NSL1: variants seen among roughly 807,000 people sequenced by gnomAD.
NSL1 encodes NSL1 component of MIS12 kinetochore complex, also known as kinetochore-associated protein NSL1 homolog.
In NSL1, 11 loss-of-function variants were observed where a neutral mutation model predicts 25.4. The observed-to-expected ratio is 0.43, with a 90% CI of 0.27 to 0.72. The LOEUF is 0.72. Among genes scored for constraint, NSL1 ranks in the 30% least tolerant of loss-of-function variants. The pLI is 0.19. For synonymous variants in NSL1, 118 were observed against 120.6 expected (o/e 0.98, Z 0.14); for missense variants, 330 against 342.7 (o/e 0.96, Z 0.29).
chr1:212,759,770 A>T (rs1659475420), intron 4 of NSL1, among the ~76,000 whole-genome samples: 1 of 152,026 alleles, frequency 6.6e-6, no homozygotes, highest in South Asian at 2.1e-4. Context: ...TGAACCCAAT[A>T]GTAAAACCAG....
At chr1:212,739,011 C>G (rs761555303) in intron 5 of NSL1, among the ~76,000 whole-genome samples, 1 of 152,166 alleles carries the variant, frequency 6.6e-6, no homozygotes, top group Admixed American at 6.5e-5. Context: ...GATCTGACTG[C>G]CTTGGCCTCC....
rs10717383 is a variant in NSL1 at position 212,749,339 on chromosome 1, G to GTTT, written c.500-9741_500-9739dup. Among the ~76,000 whole-genome samples the GTTT allele has an allele frequency of 7.1e-4, 55 of 76,936 alleles. 1 individual carries two copies. The highest frequency in any genetic ancestry group is 1.9e-3 in the African/African-American group (42 of 21,710). 50.5% of individuals were successfully genotyped at this position (76,936 alleles called of 152,430 possible). On this transcript the variant is annotated intron_variant, in intron 4 of 5. Transcript: ENST00000366977. ...CTTAAGGGATTTTGCGTTTTATTGT[G>GTTT]TTTTTTTTTTTTTTTTTTTTTTTGA... is the stretch of plus-strand genomic sequence containing the variant.
intron 4 of NSL1, among the ~76,000 whole-genome samples, chr1:212,755,374 A>C (rs1273727308): frequency 1.3e-5 from 2 of 152,018 alleles, no homozygotes; most frequent in African/African-American, 4.8e-5. Flanking sequence ...GGAGATGTTA[A>C]TGGAAGATGG....
In NSL1 at chr1:212,760,870, C is replaced by T. The variant is rs1659532410; in HGVS notation, c.500-21269G>A. ...AATGGATGTATTTGGCATGCCATCA[C>T]CACCAGTGGGGCCCAAGAACAGGCC... On this transcript the variant is annotated intron_variant, in intron 4 of 5. Transcript: ENST00000366977. This position sits in a 1 kb window ranked among gnomAD's most constrained non-coding sequence, Gnocchi z 4.3. 1.3e-5 allele frequency among the ~76,000 whole-genome samples: 2 copies of T among 152,222 alleles called. No individual in the cohort carries two copies. The highest frequency in any genetic ancestry group is 1.3e-4 in the Admixed American group (2 of 15,290).
chr1:212,758,998 T>C (rs1659437757), intron 4 of NSL1, among the ~76,000 whole-genome samples: 1 of 152,200 alleles, frequency 6.6e-6, no homozygotes, highest in Non-Finnish European at 1.5e-5. Flanking sequence ...GTCAACTGAT[T>C]TCTGACACAG....
chr1:212,736,921 T>C lies in NSL1; in HGVS notation c.*1487A>G, dbSNP rs1021405745. ...ATATAATCAAAATGCAAGTAGCTTA[T>C]ATAATCTAATAGAATTAACAATAAC... On this transcript the variant is annotated 3_prime_UTR_variant, in exon 6 of 6. Coordinates refer to ENST00000366977, the MANE Select transcript of NSL1 (RefSeq NM_015471.4). 4.1e-6 allele frequency: 4 copies of C among 983,940 alleles called. No homozygotes were observed. Among genetic ancestry groups the C allele is most frequent in the African/African-American group, 1.7e-5 (1 of 57,210 alleles). The allele number at this position is 983,940 out of a possible 1,614,324, so 61.0% of individuals were successfully genotyped here.
intron 4 of NSL1, among the ~76,000 whole-genome samples, chr1:212,762,112 A>C (rs1222457625): frequency 6.6e-6 from 1 of 152,056 alleles, no homozygotes; most frequent in Admixed American, 6.5e-5. Flanking sequence ...AGCCTGGACA[A>C]CATGGTGAAA....
intron 1 of NSL1, 106 bp downstream of exon 1, chr1:212,791,424 C>CT: frequency 9.9e-7 from 1 of 1,008,028 alleles, no homozygotes; most frequent in Non-Finnish European, 1.5e-6. Flanking sequence ...TAGCCTGGGG[C>CT]ACCGTTAATT....
intron 1 of NSL1, among the ~76,000 whole-genome samples, chr1:212,790,658 C>T (rs967586566): frequency 6.6e-6 from 1 of 151,982 alleles, no homozygotes; most frequent in Non-Finnish European, 1.5e-5. Context: ...CGAGGTGGCT[C>T]ACGCCTGTAA....
rs1446205808 is a variant in NSL1 at position 212,728,107 on chromosome 1, G to A, written c.*10301C>T. The stretch of plus-strand genomic sequence containing the variant: ...ATCTCCACCTCTTTCTCATGAAATG[G>A]GCGTGGTAATAGCCCTTAATTCATG... On this transcript the variant is annotated 3_prime_UTR_variant, in exon 6 of 6. Coordinates refer to ENST00000366977, the MANE Select transcript of NSL1 (RefSeq NM_015471.4). The A allele has an allele frequency of 1.0e-6, 1 of 978,048 alleles. No individual in the cohort carries two copies. Among genetic ancestry groups the A allele is most frequent in the Non-Finnish European group, 1.2e-6 (1 of 823,384 alleles). The allele number at this position is 978,048 out of a possible 1,614,324, so 60.6% of individuals were successfully genotyped here.
intron 4 of NSL1, among the ~76,000 whole-genome samples, chr1:212,772,831 CATG>C (rs1475997130): frequency 6.6e-6 from 1 of 152,108 alleles, no homozygotes; most frequent in East Asian, 1.9e-4. Flanking sequence ...ACCAAAATAA[CATG>C]ATATTGGTAT....
rs59259608 is a variant in NSL1 at position 212,754,769 on chromosome 1, C to CAAAAAAAAAAAAAAAAAAAAAAAAAAA, written c.500-15169_500-15168insTTTTTTTTTTTTTTTTTTTTTTTTTTT. On this transcript the variant is annotated intron_variant, in intron 4 of 5. Coordinates refer to ENST00000366977, the MANE Select transcript of NSL1 (RefSeq NM_015471.4). ...GGGCAACAAGAGTAAAATTCTGTCT[C>CAAAAAAAAAAAAAAAAAAAAAAAAAAA]AAAAAAAAAAAAAAAACCAACTCAA... is the stretch of plus-strand genomic sequence containing the variant. Among the ~76,000 whole-genome samples, 2 of 71,320 alleles carry CAAAAAAAAAAAAAAAAAAAAAAAAAAA rather than the reference C, an allele frequency of 2.8e-5. 1 individual carries two copies. Among genetic ancestry groups the CAAAAAAAAAAAAAAAAAAAAAAAAAAA allele is most frequent in the Non-Finnish European group, 5.3e-5 (2 of 37,856 alleles). 46.8% of individuals were successfully genotyped at this position (71,320 alleles called of 152,430 possible).
chr1:212,734,038 ATTT>A lies in NSL1; in HGVS notation c.*4367_*4369del, dbSNP rs2102422938. On this transcript the variant is annotated 3_prime_UTR_variant, in exon 6 of 6. Transcript: ENST00000366977. The stretch of plus-strand genomic sequence containing the variant: ...TTTTATCTCCCAGCCCTCCCACTGA[ATTT>A]TTATTTCAACTTTCATATTTTTAAT... 1.3e-5 allele frequency among the ~76,000 whole-genome samples: 2 copies of A among 152,154 alleles called. No homozygotes were observed. The highest frequency in any genetic ancestry group is 4.1e-4 in the South Asian group (2 of 4,828).
intron 4 of NSL1, chr1:212,782,055 T>C (rs1275948442): frequency 1.0e-5 from 6 of 589,862 alleles, no homozygotes; most frequent in Middle Eastern, 2.8e-4. Flanking sequence ...TTGGCTGTAA[T>C]GCAAAGAATA....
intron 4 of NSL1, among the ~76,000 whole-genome samples, chr1:212,774,734 G>A (rs1374503149): frequency 3.3e-5 from 5 of 152,232 alleles, no homozygotes; most frequent in Non-Finnish European, 7.3e-5. Flanking sequence ...AGGGAGGAAT[G>A]TAAATGGTGC....
Position 212,729,776 on chromosome 1 carries a change from A to C in NSL1, c.*8632T>G, listed in dbSNP as rs1657935717. ...TTCTGGTGGAGATGCTCGGCTATAA[A>C]ACGGCTCAAAAGAACAGCTAGAACA... On this transcript the variant is annotated 3_prime_UTR_variant, in exon 6 of 6. Coordinates refer to ENST00000366977, the MANE Select transcript of NSL1 (RefSeq NM_015471.4). 1 of 985,122 alleles carries C rather than the reference A, an allele frequency of 1.0e-6. No individual in the cohort carries two copies. The highest frequency in any genetic ancestry group is 1.7e-5 in the African/African-American group (1 of 57,182). The allele number at this position is 985,122 out of a possible 1,614,324, so 61.0% of individuals were successfully genotyped here. A position where few individuals can be genotyped will look rare whatever the true frequency, so the allele number is the denominator to read the frequency against.
rs140859925 is a variant in NSL1 at position 212,760,059 on chromosome 1, C to G, written c.500-20458G>C. Among the ~76,000 whole-genome samples the G allele has an allele frequency of 3.9e-5, 6 of 152,078 alleles. No homozygotes were observed. The East Asian group carries it at 9.7e-4, about 25-fold the overall frequency. On this transcript the variant is annotated intron_variant, in intron 4 of 5. Coordinates refer to ENST00000366977, the MANE Select transcript of NSL1 (RefSeq NM_015471.4). The surrounding 1 kb of genome is among the most constrained non-coding windows in gnomAD (Gnocchi z 4.3). ...GTGTGAGCACATCAAGACAACAGAC[C>G]ACCAAGACAACAGACCATCGCCAGT...
chr1:212,773,778 G>C (rs1240476217), intron 4 of NSL1, among the ~76,000 whole-genome samples: 1 of 152,088 alleles, frequency 6.6e-6, no homozygotes, highest in Non-Finnish European at 1.5e-5. Flanking sequence ...CCTAGATACG[G>C]AATCAACCTA....
rs1657836974 is a variant in NSL1 at position 212,727,488 on chromosome 1, C to G, written c.*10920G>C. Reference sequence around the variant, plus strand: ...CAAGCAGCAGTCAACTAAAACGATTCCTTTTGCAATTTAGGTTAATATCAT... The same window carrying G: ...CAAGCAGCAGTCAACTAAAACGATTGCTTTTGCAATTTAGGTTAATATCAT... On this transcript the variant is annotated 3_prime_UTR_variant, in exon 6 of 6. Transcript: ENST00000366977. 9 of 985,388 alleles carry G rather than the reference C, an allele frequency of 9.1e-6. No individual in the cohort carries two copies. The highest frequency in any genetic ancestry group is 1.1e-5 in the Non-Finnish European group (9 of 829,906). 61.0% of individuals were successfully genotyped at this position (985,388 alleles called of 1,614,324 possible).
Sources: gnomAD v4.1 joint callset for allele counts (sites outside exome capture counted in the v4.1 genomes callset) on GRCh38, gnomAD v4.1.1 for gene constraint, Gnocchi (gnomAD v3.1) non-coding constraint, MANE v1.5 for transcripts, NCBI Gene and HGNC (gene_info 2026-07-23, HGNC 2026-07-21) for gene names.